METTL25: variants seen among roughly 807,000 people sequenced by gnomAD.
METTL25 encodes the protein methyltransferase like 25.
In METTL25, 64 loss-of-function variants were observed where a neutral mutation model predicts 71.6. The observed-to-expected ratio is 0.89, with a 90% confidence interval of 0.73 to 1.10. METTL25 has a LOEUF of 1.10. METTL25 is among the 50% of genes least tolerant of loss of function. METTL25 has a pLI of 0.00. For missense variants in METTL25, 807 were observed against 707.0 expected (o/e 1.14, Z -1.60); for synonymous variants, 287 against 250.3 (o/e 1.15, Z -1.38).
At chr12:82,386,701 G>A in intron 1 of METTL25, 102 bp from the exon 2 acceptor site, 2 of 890,652 alleles carry the variant, frequency 2.2e-6, no homozygotes. Flanking sequence ...TGAAAATATT[G>A]GCATTTGTTA....
chr12:82,406,353 G>GT (rs971003547), intron 5 of METTL25, among the ~76,000 whole-genome samples: 1 of 151,786 alleles, frequency 6.6e-6, no homozygotes, highest in South Asian at 2.1e-4. Context: ...TACCTATATT[G>GT]TTTTTTTATG....
At chr12:82,361,278 G>C (rs1040425122) in intron 1 of METTL25, among the ~76,000 whole-genome samples, 1 of 152,182 alleles carries the variant, frequency 6.6e-6, no homozygotes, top group Admixed American at 6.5e-5. Flanking sequence ...GTGCTGATTG[G>C]TGTATTTACA....
In METTL25 at chr12:82,424,887, A is replaced by G. The variant is rs192297845; in HGVS notation, c.1280-6006A>G. Among the ~76,000 whole-genome samples the G allele has an allele frequency of 1.8e-4, 27 of 152,164 alleles. No homozygotes were observed. In the East Asian group the frequency reaches 4.3e-3, roughly 24 times the overall value. On this transcript the variant is annotated intron_variant, in intron 5 of 11. Coordinates refer to ENST00000248306, the MANE Select transcript of METTL25 (RefSeq NM_032230.3). ...ATCACCAGAAACTGGTAATGGAAGA[A>G]ACAATGAAGTATTCTTCCCTAGAGC...
chr12:82,379,720 G>T (rs1022696484), intron 1 of METTL25, among the ~76,000 whole-genome samples: 3 of 152,176 alleles, frequency 2.0e-5, no homozygotes. Flanking sequence ...GGGACATGAT[G>T]CCCAGTGCTA....
At chr12:82,443,019 AAGCT>A (rs1288859405) in intron 8 of METTL25, among the ~76,000 whole-genome samples, 1 of 151,894 alleles carries the variant, frequency 6.6e-6, no homozygotes, top group Non-Finnish European at 1.5e-5. Flanking sequence ...ACAAAAAAAA[AAGCT>A]AGAGAATAGA....
intron 1 of METTL25, among the ~76,000 whole-genome samples, chr12:82,375,166 G>A (rs1883700318): frequency 6.6e-6 from 1 of 152,194 alleles, no homozygotes; most frequent in Non-Finnish European, 1.5e-5. Context: ...GCTGTGGTCT[G>A]AATATGCTCC....
chr12:82,436,726 A>G lies in METTL25; in HGVS notation c.1405-1992A>G, dbSNP rs149127436. Among the ~76,000 whole-genome samples, 61 of 151,728 alleles carry G rather than the reference A, an allele frequency of 4.0e-4. No homozygotes were observed. In the East Asian group the frequency reaches 0.011, roughly 28 times the overall value. On this transcript the variant is annotated intron_variant, in intron 7 of 11. Coordinates refer to ENST00000248306, the MANE Select transcript of METTL25 (RefSeq NM_032230.3). Reference sequence around the variant, plus strand: ...CAATCATTTTAATAACAATATAAATACATATTTATTTCAAAGTTATCTTGA... The same window carrying G: ...CAATCATTTTAATAACAATATAAATGCATATTTATTTCAAAGTTATCTTGA...
intron 5 of METTL25, among the ~76,000 whole-genome samples, chr12:82,418,548 G>T (rs1237379461): frequency 6.6e-6 from 1 of 152,066 alleles, no homozygotes; most frequent in South Asian, 2.1e-4. Context: ...GTTGCATATT[G>T]CAGTAAAAAT....
intron 5 of METTL25, among the ~76,000 whole-genome samples, chr12:82,410,316 T>G (rs1887456322): frequency 6.6e-6 from 1 of 152,160 alleles, no homozygotes; most frequent in African/African-American, 2.4e-5. Context: ...GGCAATGAAT[T>G]AATCCTATCA....
intron 9 of METTL25, chr12:82,474,577 T>C (rs1049277490): frequency 6.6e-6 from 1 of 152,196 alleles, no homozygotes; most frequent in Admixed American, 6.5e-5. Context: ...ATACTTCTTA[T>C]GCGCTTGTAA....
chr12:82,418,945 A>T (rs1888223824), intron 5 of METTL25, among the ~76,000 whole-genome samples: 1 of 152,202 alleles, frequency 6.6e-6, no homozygotes, highest in South Asian at 2.1e-4. Context: ...TCATTATATG[A>T]CAAGTTAAAG....
At chr12:82,423,722 G>C in intron 5 of METTL25, among the ~76,000 whole-genome samples, 1 of 152,134 alleles carries the variant, frequency 6.6e-6, no homozygotes, top group Admixed American at 6.5e-5. Context: ...TCAAAAAGTG[G>C]GTGAAGGATA....
chr12:82,441,805 A>AC (rs1293870391), intron 8 of METTL25, among the ~76,000 whole-genome samples: 1 of 120,068 alleles, frequency 8.3e-6, no homozygotes, highest in African/African-American at 3.0e-5. Flanking sequence ...AAAAAAATAG[A>AC]AACACACACA....
intron 4 of METTL25, among the ~76,000 whole-genome samples, chr12:82,400,354 AAAAG>A (rs200843476): frequency 0.01 from 1,502 of 145,452 alleles, 18 homozygotes; most frequent in African/African-American, 0.035. Flanking sequence ...AAAAAAGAAA[AAAAG>A]AAATGTATAA....
At chr12:82,375,173 C>G (rs1883701739) in intron 1 of METTL25, among the ~76,000 whole-genome samples, 1 of 152,128 alleles carries the variant, frequency 6.6e-6, no homozygotes, top group Non-Finnish European at 1.5e-5. Context: ...TCTGAATATG[C>G]TCCTCCAAAT....
chr12:82,459,419 G>A (rs1052050600), intron 9 of METTL25, among the ~76,000 whole-genome samples: 13 of 152,136 alleles, frequency 8.5e-5, no homozygotes, highest in African/African-American at 3.1e-4. Context: ...TTTGAGCCCA[G>A]GAGTTTGAGA....
chr12:82,435,936 C>G (rs1438952855), intron 7 of METTL25, among the ~76,000 whole-genome samples: 1 of 151,372 alleles, frequency 6.6e-6, no homozygotes, highest in Non-Finnish European at 1.5e-5. Flanking sequence ...ATAGTATGTA[C>G]TCTTACTATC....
intron 3 of METTL25, among the ~76,000 whole-genome samples, chr12:82,396,283 C>T (rs1231791503): frequency 2.6e-5 from 4 of 151,980 alleles, no homozygotes; most frequent in Admixed American, 6.6e-5. Flanking sequence ...CCCTGCAATA[C>T]CTATCCTAGA....
At position 82,399,414 on chromosome 12, in the gene METTL25, A is replaced by G; in HGVS notation, c.1131+20A>G. The G allele has an allele frequency of 2.0e-6, 3 of 1,502,042 alleles. No individual in the cohort carries two copies. The highest frequency in any genetic ancestry group is 4.5e-5 in the East Asian group (2 of 44,012). 93.0% of individuals were successfully genotyped at this position (1,502,042 alleles called of 1,614,324 possible). A position where few individuals can be genotyped will look rare whatever the true frequency, so the allele number is the denominator to read the frequency against. ...TTGGAGGTGACTTTACCTTTGAATTATTTAATTTGATTTACAAAAACATTG... is the reference window on the plus strand; with the variant it reads ...TTGGAGGTGACTTTACCTTTGAATTGTTTAATTTGATTTACAAAAACATTG... On this transcript the variant is annotated intron_variant, in intron 4 of 11. Transcript: ENST00000248306.
Sources: gnomAD v4.1 joint callset for allele counts (sites outside exome capture counted in the v4.1 genomes callset) on GRCh38, gnomAD v4.1.1 for gene constraint, MANE v1.5 for transcripts, NCBI Gene and HGNC (gene_info 2026-07-23, HGNC 2026-07-21) for gene names.